TOM1L2: variants seen among roughly 807,000 people sequenced by gnomAD.
The protein encoded by TOM1L2 is TOM1-like protein 2.
TOM1L2 carries 31 observed loss-of-function variants against 67.9 expected under a neutral mutation model. The observed-to-expected ratio is 0.46, with a 90% CI of 0.34 to 0.62. The LOEUF is 0.62. Among genes scored for constraint, TOM1L2 ranks in the 20% least tolerant of loss-of-function variants. The pLI, the probability that TOM1L2 is intolerant of heterozygous loss-of-function variation, is 0.01. For missense variants in TOM1L2, 606 were observed against 663.5 expected, an observed-to-expected ratio of 0.91 and a Z score of 0.95; for synonymous variants, 256 against 254.0, an observed-to-expected ratio of 1.01 and a Z score of -0.07.
At chr17:17,865,900 C>T (rs903167943) in intron 10 of TOM1L2, among the ~76,000 whole-genome samples, 1 of 150,492 alleles carries the variant, frequency 6.6e-6, no homozygotes, top group African/African-American at 2.4e-5. Flanking sequence ...GCCCACCATG[C>T]GCAGCTAATT....
chr17:17,866,192 C>A, intron 10 of TOM1L2, 104 bp downstream of exon 10: 1 of 1,376,978 alleles, frequency 7.3e-7, no homozygotes, highest in South Asian at 1.6e-5. Context: ...ATGTATTTCC[C>A]AAAAGACTCT....
chr17:17,893,386 AG>A lies in TOM1L2; in HGVS notation c.366+274del, dbSNP rs371519640. ...TTCTTCCTACTCCAAGTTTTCTCAG[AG>A]GCCTGTTGAGGCCACCCTACCTGCC... On this transcript the variant is annotated intron_variant, in intron 4 of 14. Transcript: ENST00000379504. Among the ~76,000 whole-genome samples, 1,075 of 152,308 alleles carry A rather than the reference AG, an allele frequency of 7.1e-3. 20 individuals are homozygous for A. The highest frequency in any genetic ancestry group is 0.024 in the African/African-American group (992 of 41,566).
chr17:17,938,977 A>ACCT (rs1371654587), intron 1 of TOM1L2, among the ~76,000 whole-genome samples: 2 of 152,202 alleles, frequency 1.3e-5, no homozygotes, highest in Non-Finnish European at 2.9e-5. Flanking sequence ...TGGCACCTGG[A>ACCT]CTAGAATTCC....
chr17:17,966,555 G>T (rs2041877780), intron 1 of TOM1L2, among the ~76,000 whole-genome samples: 2 of 152,174 alleles, frequency 1.3e-5, no homozygotes, highest in African/African-American at 4.8e-5. Context: ...CTGAGGGTAG[G>T]ATCCACTTTT....
In TOM1L2 at chr17:17,884,623, T is replaced by C; in HGVS notation, c.501+11A>G. ...GTAGGTCTTTCTAGAAAGTGCCAGC[T>C]GGAAGCTTACCCGCTGTGGTGTGTG... On this transcript the variant is annotated intron_variant, in intron 5 of 14. Coordinates refer to ENST00000379504, the MANE Select transcript of TOM1L2 (RefSeq NM_001082968.2). The C allele has an allele frequency of 1.2e-6, 2 of 1,613,904 alleles. No individual in the cohort carries two copies. Among genetic ancestry groups the C allele is most frequent in the Non-Finnish European group, 8.5e-7 (1 of 1,179,956 alleles).
At chr17:17,887,424 C>G (rs889911939) in intron 4 of TOM1L2, among the ~76,000 whole-genome samples, 1 of 152,176 alleles carries the variant, frequency 6.6e-6, no homozygotes, top group Non-Finnish European at 1.5e-5. Context: ...TATGTGAAAA[C>G]GTACAGATGG....
chr17:17,931,622 G>A (rs1269301935), intron 1 of TOM1L2, among the ~76,000 whole-genome samples: 3 of 152,192 alleles, frequency 2.0e-5, no homozygotes, highest in African/African-American at 7.2e-5. Context: ...TCTCCCAGAA[G>A]ACCTTACACA....
At chr17:17,887,651 T>A (rs2038067703) in intron 4 of TOM1L2, among the ~76,000 whole-genome samples, 1 of 152,174 alleles carries the variant, frequency 6.6e-6, no homozygotes, top group South Asian at 2.1e-4. Flanking sequence ...AATTTTTGTA[T>A]TTTTTGTAGA....
chr17:17,966,835 G>A (rs186664904), intron 1 of TOM1L2, among the ~76,000 whole-genome samples: 7 of 152,292 alleles, frequency 4.6e-5, no homozygotes, highest in African/African-American at 1.7e-4. Context: ...ATAATTATAA[G>A]TTCCTTCCAG....
At chr17:17,926,645 T>C (rs1465580274) in intron 1 of TOM1L2, among the ~76,000 whole-genome samples, 1 of 151,742 alleles carries the variant, frequency 6.6e-6, no homozygotes, top group Non-Finnish European at 1.5e-5. Flanking sequence ...GGCGGATTGC[T>C]TGAGCTCAGG....
chr17:17,866,041 C>G (rs569939974), intron 10 of TOM1L2, among the ~76,000 whole-genome samples: 1 of 152,088 alleles, frequency 6.6e-6, no homozygotes, highest in Non-Finnish European at 1.5e-5. Context: ...TGCGCACGGC[C>G]GTGACCTTTC....
chr17:17,857,894 A>C, intron 12 of TOM1L2: 1 of 1,500,976 alleles, frequency 6.7e-7, no homozygotes, highest in Non-Finnish European at 9.0e-7. Flanking sequence ...ATGAGAAAGA[A>C]GTCAATAGCA....
chr17:17,880,590 T>C (rs2037672537), intron 6 of TOM1L2, among the ~76,000 whole-genome samples: 1 of 152,184 alleles, frequency 6.6e-6, no homozygotes, highest in Non-Finnish European at 1.5e-5. Context: ...ACTGGTCCCA[T>C]CACTCAGTGA....
chr17:17,960,951 A>G (rs1378033354), intron 1 of TOM1L2, among the ~76,000 whole-genome samples: 1 of 152,212 alleles, frequency 6.6e-6, no homozygotes, highest in Non-Finnish European at 1.5e-5. Flanking sequence ...CTGGACTTAA[A>G]ACTTTTGTGC....
chr17:17,919,166 C>T (rs62064156), intron 1 of TOM1L2, among the ~76,000 whole-genome samples: 84,041 of 152,058 alleles, frequency 0.55, 25,650 homozygotes, highest in East Asian at 0.94. Flanking sequence ...TGGACTGCTG[C>T]AAAATGCTGC....
intron 14 of TOM1L2, 140 bp from the exon 15 acceptor site, chr17:17,847,923 C>G: frequency 1.8e-6 from 2 of 1,095,672 alleles, no homozygotes; most frequent in Non-Finnish European, 2.7e-6. Flanking sequence ...GGGAGGGGTT[C>G]GTGAGCTGCA....
chr17:17,935,454 G>T (rs1184977250), intron 1 of TOM1L2, among the ~76,000 whole-genome samples: 1 of 152,208 alleles, frequency 6.6e-6, no homozygotes, highest in Non-Finnish European at 1.5e-5. Flanking sequence ...TGGCAGAAAA[G>T]TGACCTTCTC....
intron 1 of TOM1L2, among the ~76,000 whole-genome samples, chr17:17,945,075 T>C (rs1183293589): frequency 1.3e-5 from 2 of 152,154 alleles, no homozygotes; most frequent in African/African-American, 2.4e-5. Flanking sequence ...GACACCAAAA[T>C]AGCTCATCTG....
chr17:17,966,752 A>G (rs1380901278), intron 1 of TOM1L2, among the ~76,000 whole-genome samples: 2 of 152,232 alleles, frequency 1.3e-5, no homozygotes, highest in African/African-American at 4.8e-5. Context: ...AGGGATGATA[A>G]CACCCAAATA....
Sources: allele counts gnomAD v4.1 joint callset (sites outside exome capture counted in the v4.1 genomes callset), GRCh38; gene constraint gnomAD v4.1.1; transcripts MANE v1.5; gene names NCBI Gene and HGNC (gene_info 2026-07-23, HGNC 2026-07-21).